DUSP14: variants seen among roughly 807,000 people sequenced by gnomAD.
DUSP14 encodes the protein dual specificity phosphatase 14.
DUSP14 carries 5 observed loss-of-function variants against 13.2 expected under a neutral mutation model. The observed-to-expected ratio is 0.38, with a 90% CI of 0.20 to 0.80. The LOEUF is 0.80. Among genes scored for constraint, DUSP14 ranks in the 30% least tolerant of loss-of-function variants. The pLI, the probability that DUSP14 is intolerant of heterozygous loss-of-function variation, is 0.44. For missense variants in DUSP14, 185 were observed against 264.0 expected, an observed-to-expected ratio of 0.70 and a Z score of 2.07; for synonymous variants, 91 against 103.4, an observed-to-expected ratio of 0.88 and a Z score of 0.73.
rs781411697 is a variant in DUSP14, at chr17:37,512,321, C to T, written c.49C>T (p.Arg17Trp). 48 of 1,613,746 alleles carry T rather than the reference C, an allele frequency of 3.0e-5. No homozygotes were observed. Among genetic ancestry groups the T allele is most frequent in the Admixed American group, 5.0e-5 (3 of 59,992 alleles). The change falls in exon 3 of 3, where the codon CGG becomes TGG. Residue 17 changes from arginine (R) to tryptophan (W), a missense_variant. Transcript: ENST00000617516. The surrounding 1 kb of genome is among the most constrained non-coding windows in gnomAD (Gnocchi z 4.8). ...GCTACCAAGGACTCTCATGGCCCCT[C>T]GGATGATTTCCGAGGGAGACATAGG... ...STLPRTLMAP[R>W]MISEGDIGGI...
At chr17:37,494,458 C>CA (rs1478943948) in intron 1 of DUSP14, among the ~76,000 whole-genome samples, 1 of 152,130 alleles carries the variant, frequency 6.6e-6, no homozygotes, top group Non-Finnish European at 1.5e-5. Flanking sequence ...GGGATCCTCC[C>CA]ACCTCAGCCT....
At chr17:37,506,369 C>G (rs1175742119) in intron 1 of DUSP14, among the ~76,000 whole-genome samples, 1 of 151,822 alleles carries the variant, frequency 6.6e-6, no homozygotes, top group East Asian at 1.9e-4. Flanking sequence ...CTACCCTACC[C>G]CCATCCCCCA....
At chr17:37,506,348 T>C (rs1260900599) in intron 1 of DUSP14, among the ~76,000 whole-genome samples, 1 of 149,050 alleles carries the variant, frequency 6.7e-6, no homozygotes, top group Non-Finnish European at 1.5e-5. Flanking sequence ...TCTTCCTTTC[T>C]GTCTTTCACT....
At chr17:37,507,496 A>G (rs2054145843) in intron 1 of DUSP14, among the ~76,000 whole-genome samples, 1 of 152,218 alleles carries the variant, frequency 6.6e-6, no homozygotes, top group South Asian at 2.1e-4. Flanking sequence ...TCTGCCACCC[A>G]GGCTGGAGTG....
In DUSP14 at chr17:37,511,766, T is replaced by A. The variant is rs28652780; in HGVS notation, c.-92-415T>A. ...CCACACCCAGCTAATTAAAAAAAAATAAAAAATAAAAAATAAAAAGTTTTT... is the reference window on the plus strand; with the variant it reads ...CCACACCCAGCTAATTAAAAAAAAAAAAAAAATAAAAAATAAAAAGTTTTT... On this transcript the variant is annotated intron_variant, in intron 2 of 2. Coordinates refer to ENST00000617516, the MANE Select transcript of DUSP14 (RefSeq NM_007026.4). 1.2e-4 allele frequency among the ~76,000 whole-genome samples: 17 copies of A among 145,422 alleles called. No homozygotes were observed. In the South Asian group the frequency reaches 1.4e-3, roughly 12 times the overall value.
Position 37,512,701 on chromosome 17 carries a change from C to T in DUSP14, c.429C>T (p.Ala143=). The T allele has an allele frequency of 6.2e-7, 1 of 1,614,092 alleles. No individual in the cohort carries two copies. The highest frequency in any genetic ancestry group is 1.1e-5 in the South Asian group (1 of 91,082). Residue 143 remains alanine, a synonymous_variant, in exon 3 of 3, where the codon GCC becomes GCT. Transcript: ENST00000617516. This position sits in a 1 kb window ranked among gnomAD's most constrained non-coding sequence, Gnocchi z 4.8. ...TGGAGGCGTACAACTGGGTGAAAGC[C>T]CGGCGACCTGTCATCAGGCCCAACG... ...CLLEAYNWVK[A]RRPVIRPNVG...
rs919419143 is a variant in DUSP14 at position 37,489,911 on chromosome 17, A to C, written c.-228A>C. 45 of 142,136 alleles carry C rather than the reference A, an allele frequency of 3.2e-4. 1 individual carries two copies. The highest frequency in any genetic ancestry group is 1.2e-3 in the African/African-American group (45 of 38,792). 8.8% of individuals were successfully genotyped at this position (142,136 alleles called of 1,614,324 possible). A position where few individuals can be genotyped will look rare whatever the true frequency, so the allele number is the denominator to read the frequency against. On this transcript the variant is annotated 5_prime_UTR_variant, in exon 1 of 3. Transcript: ENST00000617516. ...AGCCCGCAGAAGCCGGTGGCCGCGC[A>C]GGAGGACGGAGCCCTAACCGCAACC...
chr17:37,490,939 T>TA (rs1826692231), intron 1 of DUSP14, among the ~76,000 whole-genome samples: 1 of 152,136 alleles, frequency 6.6e-6, no homozygotes, highest in African/African-American at 2.4e-5. Flanking sequence ...TCCTAGTCCC[T>TA]AAGGCCACTC....
intron 1 of DUSP14, among the ~76,000 whole-genome samples, chr17:37,507,605 AC>A (rs1306614170): frequency 6.6e-6 from 1 of 152,078 alleles, no homozygotes; most frequent in African/African-American, 2.4e-5. Flanking sequence ...GGCATGCACC[AC>A]TGCACCTGGC....
At chr17:37,500,947 C>A (rs920148824) in intron 1 of DUSP14, among the ~76,000 whole-genome samples, 2 of 152,174 alleles carry the variant, frequency 1.3e-5, no homozygotes, top group African/African-American at 4.8e-5. Flanking sequence ...CCTCCCCGCC[C>A]CAGCCAGTGA....
intron 1 of DUSP14, among the ~76,000 whole-genome samples, chr17:37,501,127 G>A (rs2054102435): frequency 6.6e-6 from 1 of 152,148 alleles, no homozygotes; most frequent in Non-Finnish European, 1.5e-5. Context: ...CTGATTCTCT[G>A]GGAACTGCAA....
chr17:37,498,793 A>G (rs1346386742), intron 1 of DUSP14, among the ~76,000 whole-genome samples: 1 of 151,558 alleles, frequency 6.6e-6, no homozygotes, highest in Non-Finnish European at 1.5e-5. Context: ...ATATTTTTAG[A>G]TTCCTTCTAA....
intron 1 of DUSP14, among the ~76,000 whole-genome samples, chr17:37,496,588 T>C (rs2054066745): frequency 6.6e-6 from 1 of 152,148 alleles, no homozygotes; most frequent in African/African-American, 2.4e-5. Flanking sequence ...ACCCCGTCTC[T>C]ACTGAAAATA....
At chr17:37,505,925 T>C (rs1320610585) in intron 1 of DUSP14, among the ~76,000 whole-genome samples, 1 of 152,172 alleles carries the variant, frequency 6.6e-6, no homozygotes, top group African/African-American at 2.4e-5. Flanking sequence ...TAGTGTTCGA[T>C]GCTTATTATC....
At chr17:37,501,389 T>G (rs768597918) in intron 1 of DUSP14, among the ~76,000 whole-genome samples, 7 of 152,230 alleles carry the variant, frequency 4.6e-5, no homozygotes, top group Non-Finnish European at 1.0e-4. Flanking sequence ...GCGTTCTGCA[T>G]TTCTTTCAAG....
In DUSP14 at chr17:37,489,948, G is replaced by GC; in HGVS notation, c.-190dup. On this transcript the variant is annotated 5_prime_UTR_variant, in exon 1 of 3. Coordinates refer to ENST00000617516, the MANE Select transcript of DUSP14 (RefSeq NM_007026.4). ...CCCTAACCGCAACCCGCTCCGCGCC[G>GC]CGCCGCGCCGGTAGGGGACCCGCAG... The GC allele has an allele frequency of 6.9e-6, 1 of 144,498 alleles. No individual in the cohort carries two copies. The highest frequency in any genetic ancestry group is 2.3e-4 in the South Asian group (1 of 4,426). The allele number at this position is 144,498 out of a possible 1,614,324, so 9.0% of individuals were successfully genotyped here.
intron 1 of DUSP14, among the ~76,000 whole-genome samples, chr17:37,509,129 A>ATATATATATG (rs2054159086): frequency 4.3e-5 from 1 of 23,216 alleles, no homozygotes; most frequent in African/African-American, 2.4e-4. Flanking sequence ...ATATATATAT[A>ATATATATATG]CACACACACA....
chr17:37,490,898 C>T (rs976117941), intron 1 of DUSP14, among the ~76,000 whole-genome samples: 8 of 152,004 alleles, frequency 5.3e-5, no homozygotes, highest in Non-Finnish European at 2.9e-5. Flanking sequence ...AGAATAGGGA[C>T]CAAGAGATTT....
intron 1 of DUSP14, among the ~76,000 whole-genome samples, chr17:37,504,786 G>A (rs1310115353): frequency 1.3e-5 from 2 of 152,136 alleles, no homozygotes; most frequent in Non-Finnish European, 2.9e-5. Flanking sequence ...TCATTACGTT[G>A]CCCCGGCTGG....
Sources: gnomAD v4.1 joint callset for allele counts (sites outside exome capture counted in the v4.1 genomes callset) on GRCh38, gnomAD v4.1.1 for gene constraint, Gnocchi (gnomAD v3.1) non-coding constraint, MANE v1.5 for transcripts, NCBI Gene and HGNC (gene_info 2026-07-23, HGNC 2026-07-21) for gene names.